Variants in RSPO2 observed in about 807,000 individuals in gnomAD.
RSPO2 encodes R-spondin 2.
A neutral mutation model predicts 30.9 loss-of-function variants in RSPO2; 14 were observed. That is an observed-to-expected ratio of 0.45 (90% CI 0.30 to 0.71). The LOEUF is 0.71. Ranked by LOEUF, RSPO2 falls within the 30% of genes least tolerant of loss-of-function variation. The pLI is 0.08. For synonymous variants in RSPO2, 107 were observed against 96.4 expected (o/e 1.11, Z -0.64); for missense variants, 264 against 301.9 (o/e 0.87, Z 0.93).
At chr8:108,029,953 A>T (rs1404503079) in intron 2 of RSPO2, among the ~76,000 whole-genome samples, 4 of 152,176 alleles carry the variant, frequency 2.6e-5, no homozygotes, top group African/African-American at 9.7e-5. Flanking sequence ...AGTGAGGAAC[A>T]CAAGTATGTG....
At chr8:108,020,077 CAA>C (rs34726560) in intron 2 of RSPO2, among the ~76,000 whole-genome samples, 9 of 111,012 alleles carry the variant, frequency 8.1e-5, no homozygotes, top group South Asian at 3.0e-4. Flanking sequence ...ATAAAAATTA[CAA>C]AAAAAAAAAA....
At position 108,033,825 on chromosome 8, in the gene RSPO2, G is replaced by GA. The variant is rs1241658830; in HGVS notation, c.95-44582dup. 2.0e-5 allele frequency among the ~76,000 whole-genome samples: 3 copies of GA among 152,268 alleles called. No homozygotes were observed. In the East Asian group the frequency reaches 5.8e-4, roughly 29 times the overall value. On this transcript the variant is annotated intron_variant, in intron 2 of 5. Transcript: ENST00000276659. ...TGTGGAAAGAAAGGCATGGGGAGTAGAAAAAATGCAACACCAAGTTGTACA... is the reference window on the plus strand; with the variant it reads ...TGTGGAAAGAAAGGCATGGGGAGTAGAAAAAAATGCAACACCAAGTTGTACA...
intron 1 of RSPO2, 187 bp from the exon 2 acceptor site, chr8:108,082,994 T>C (rs1813261214): frequency 4.0e-6 from 1 of 247,020 alleles, no homozygotes; most frequent in Admixed American, 5.2e-5. Context: ...AGGAAGGTGA[T>C]TATAATCAGT....
chr8:107,953,385 A>G (rs903415087), intron 5 of RSPO2, among the ~76,000 whole-genome samples: 1 of 152,216 alleles, frequency 6.6e-6, no homozygotes, highest in African/African-American at 2.4e-5. Context: ...TAGGGCCTTC[A>G]CAGGGAAAGC....
rs148046350 is a variant in RSPO2, at chr8:107,978,255, C to T, written c.283+10801G>A. On this transcript the variant is annotated intron_variant, in intron 3 of 5. Coordinates refer to ENST00000276659, the MANE Select transcript of RSPO2 (RefSeq NM_178565.5). ...CCAGCCTGGCCAACATGGTGAAAAC[C>T]GTCTCTAATAAAAACACAAAAATTA... Among the ~76,000 whole-genome samples the T allele has an allele frequency of 2.7e-3, 415 of 151,990 alleles. 1 individual carries two copies. The highest frequency in any genetic ancestry group is 0.014 in the Middle Eastern group (4 of 292).
At chr8:107,911,505 A>G (rs1811827347) in intron 5 of RSPO2, among the ~76,000 whole-genome samples, 1 of 152,182 alleles carries the variant, frequency 6.6e-6, no homozygotes. Flanking sequence ...AGTTTTCTCA[A>G]TTCTAAACTG....
chr8:108,082,936 G>C, intron 1 of RSPO2, 129 bp from the exon 2 acceptor site: 1 of 369,462 alleles, frequency 2.7e-6, no homozygotes, highest in Non-Finnish European at 4.8e-6. Context: ...CCTAGCACGA[G>C]CCGCGGAGCG....
chr8:108,048,398 T>C (rs1287086290), intron 2 of RSPO2, among the ~76,000 whole-genome samples: 2 of 151,602 alleles, frequency 1.3e-5, no homozygotes, highest in African/African-American at 4.9e-5. Flanking sequence ...CACAAAGTAA[T>C]CTCGTGATTC....
intron 2 of RSPO2, among the ~76,000 whole-genome samples, chr8:108,037,509 A>C (rs2130649171): frequency 6.6e-6 from 1 of 152,348 alleles, no homozygotes; most frequent in East Asian, 1.9e-4. Flanking sequence ...TTGATGTAGA[A>C]GCTACAGCAA....
intron 5 of RSPO2, among the ~76,000 whole-genome samples, chr8:107,910,056 G>T (rs1472980903): frequency 1.3e-5 from 2 of 152,184 alleles, no homozygotes; most frequent in Admixed American, 1.3e-4. Flanking sequence ...CAGGTTTGCA[G>T]AGAAAATGAT....
chr8:107,976,566 G>A (rs1814219444), intron 3 of RSPO2, among the ~76,000 whole-genome samples: 1 of 152,188 alleles, frequency 6.6e-6, no homozygotes, highest in Non-Finnish European at 1.5e-5. Context: ...GTAACTTCTG[G>A]AAGCATTCAC....
In RSPO2 at chr8:108,082,797, C is replaced by T; in HGVS notation, c.-159G>A. The T allele has an allele frequency of 3.4e-6, 2 of 581,866 alleles. No individual in the cohort carries two copies. Among genetic ancestry groups the T allele is most frequent in the Non-Finnish European group, 6.1e-6 (2 of 328,188 alleles). The allele number at this position is 581,866 out of a possible 1,614,324, so 36.0% of individuals were successfully genotyped here. ...TCAGTTCAGCGCGATCAGCATCTCT[C>T]CGCCACGAACCTGAGAGACAAGAAG... On this transcript the variant is annotated 5_prime_UTR_variant, in exon 2 of 6. Coordinates refer to ENST00000276659, the MANE Select transcript of RSPO2 (RefSeq NM_178565.5).
At chr8:108,082,967 C>G (rs1366032903) in intron 1 of RSPO2, 160 bp from the exon 2 acceptor site, 1 of 297,716 alleles carries the variant, frequency 3.4e-6, no homozygotes, top group East Asian at 5.9e-5. Context: ...GAGCGGGCAG[C>G]TGCGGACGAG....
chr8:107,994,376 A>T (rs1453779637), intron 2 of RSPO2, among the ~76,000 whole-genome samples: 1 of 152,150 alleles, frequency 6.6e-6, no homozygotes, highest in Non-Finnish European at 1.5e-5. Context: ...ACTCACCAGT[A>T]AGATATTATT....
chr8:107,969,315 T>C (rs1813920109), intron 3 of RSPO2, among the ~76,000 whole-genome samples: 1 of 152,166 alleles, frequency 6.6e-6, no homozygotes, highest in Admixed American at 6.5e-5. Context: ...TCTTTTATTT[T>C]AACTGCCGAG....
intron 2 of RSPO2, among the ~76,000 whole-genome samples, chr8:108,031,819 T>C (rs75326351): frequency 3.1e-3 from 463 of 151,752 alleles, no homozygotes; most frequent in Non-Finnish European, 4.9e-3. Flanking sequence ...AGTGACTAGC[T>C]TTCTCCATTT....
At chr8:108,000,472 T>C (rs1815204390) in intron 2 of RSPO2, among the ~76,000 whole-genome samples, 1 of 152,092 alleles carries the variant, frequency 6.6e-6, no homozygotes, top group South Asian at 2.1e-4. Context: ...AAAGGTACTT[T>C]TGAGAAATAT....
rs576741349 is a variant in RSPO2 at position 107,930,881 on chromosome 8, T to C, written c.616+27199A>G. Among the ~76,000 whole-genome samples, 5 of 152,262 alleles carry C rather than the reference T, an allele frequency of 3.3e-5. No individual in the cohort carries two copies. In the East Asian group the frequency reaches 7.7e-4, roughly 24 times the overall value. On this transcript the variant is annotated intron_variant, in intron 5 of 5. Coordinates refer to ENST00000276659, the MANE Select transcript of RSPO2 (RefSeq NM_178565.5). The stretch of plus-strand genomic sequence containing the variant: ...CATTTTTCATCCCATGACCATATAA[T>C]ATGGTTCGAATCCTTACTTAACTGA...
intron 5 of RSPO2, 126 bp from the exon 6 acceptor site, chr8:107,901,316 A>G (rs1811455415): frequency 9.7e-7 from 1 of 1,029,512 alleles, no homozygotes; most frequent in East Asian, 2.6e-5. Context: ...AAAAGCCTCA[A>G]AGAGAAAATT....
Sources: allele counts gnomAD v4.1 joint callset (sites outside exome capture counted in the v4.1 genomes callset), GRCh38; gene constraint gnomAD v4.1.1; transcripts MANE v1.5; gene names NCBI Gene and HGNC (gene_info 2026-07-23, HGNC 2026-07-21).